The following TIAM2 variants were observed in gnomAD, a reference collection of about 807,000 sequenced individuals.
TIAM2 encodes the protein TIAM Rac1 associated GEF 2, also known as rho guanine nucleotide exchange factor TIAM2.
TIAM2 carries 80 observed loss-of-function variants against 152.9 expected under a neutral mutation model. That is an observed-to-expected ratio of 0.52 (90% CI 0.44 to 0.63). TIAM2 has a LOEUF of 0.63. TIAM2 is among the 30% of genes least tolerant of loss of function. TIAM2 has a pLI of 0.00. For missense variants in TIAM2, 1,965 were observed against 2,120.1 expected (o/e 0.93, Z 1.44); for synonymous variants, 804 against 838.0 (o/e 0.96, Z 0.70).
chr6:155,033,637 G>A lies in TIAM2; in HGVS notation c.-209+38145G>A, dbSNP rs143507965. Among the ~76,000 whole-genome samples, 79 of 152,026 alleles carry A rather than the reference G, an allele frequency of 5.2e-4. 1 individual carries two copies. The highest frequency in any genetic ancestry group is 1.4e-3 in the African/African-American group (59 of 41,504). Reference sequence around the variant, plus strand: ...TTTCACACGCAGTGTCTTCTTCAGAGCCGCCCTGCCTGTTTCCTAGAAGTA... The same window carrying A: ...TTTCACACGCAGTGTCTTCTTCAGAACCGCCCTGCCTGTTTCCTAGAAGTA... On this transcript the variant is annotated intron_variant, in intron 1 of 26. Transcript: ENST00000682666.
chr6:155,062,619 C>T (rs1212144763), intron 1 of TIAM2, among the ~76,000 whole-genome samples: 2 of 142,508 alleles, frequency 1.4e-5, no homozygotes, highest in Non-Finnish European at 3.0e-5. Context: ...GCTCTTGTTG[C>T]CCAGGCTAGA....
intron 14 of TIAM2, among the ~76,000 whole-genome samples, chr6:155,194,331 C>T (rs897291100): frequency 2.6e-5 from 4 of 152,154 alleles, no homozygotes; most frequent in African/African-American, 9.7e-5. Flanking sequence ...GAGCTGCGAG[C>T]AGCCTGGATG....
At chr6:155,202,388 T>C (rs1436377417) in intron 14 of TIAM2, among the ~76,000 whole-genome samples, 2 of 152,182 alleles carry the variant, frequency 1.3e-5, no homozygotes, top group African/African-American at 4.8e-5. Context: ...AAATATGCAT[T>C]GCTATACAAA....
intron 14 of TIAM2, among the ~76,000 whole-genome samples, chr6:155,205,073 C>T (rs1008887115): frequency 3.3e-5 from 5 of 151,448 alleles, no homozygotes; most frequent in African/African-American, 1.2e-4. Flanking sequence ...ATGACCTAAA[C>T]ACCTCCCAGT....
chr6:155,091,854 G>A (rs962591969), intron 2 of TIAM2, among the ~76,000 whole-genome samples: 1 of 152,150 alleles, frequency 6.6e-6, no homozygotes, highest in African/African-American at 2.4e-5. Context: ...TGAGTTCTTT[G>A]AATCCTGTCT....
chr6:155,210,153 T>C (rs1244964745), intron 14 of TIAM2, among the ~76,000 whole-genome samples: 1 of 152,224 alleles, frequency 6.6e-6, no homozygotes, highest in Non-Finnish European at 1.5e-5. Flanking sequence ...GTGCTGAGGA[T>C]GGGATGTGTG....
At chr6:155,004,106 C>T (rs1040976727) in intron 1 of TIAM2, among the ~76,000 whole-genome samples, 1 of 152,232 alleles carries the variant, frequency 6.6e-6, no homozygotes, top group Non-Finnish European at 1.5e-5. Context: ...GAACTCCTGA[C>T]CTCAGGTGAT....
intron 10 of TIAM2, among the ~76,000 whole-genome samples, chr6:155,177,707 T>C (rs1780789474): frequency 6.6e-6 from 1 of 152,240 alleles, no homozygotes; most frequent in Non-Finnish European, 1.5e-5. Flanking sequence ...TCCCCCTTTT[T>C]CACTTTGACT....
chr6:155,069,621 G>A (rs1251393021), intron 1 of TIAM2, among the ~76,000 whole-genome samples: 1 of 135,608 alleles, frequency 7.4e-6, no homozygotes, highest in Non-Finnish European at 1.5e-5. Context: ...TAAAATAATA[G>A]GAAAAGCTTG....
chr6:155,128,542 C>G (rs937330469), intron 3 of TIAM2, among the ~76,000 whole-genome samples: 2 of 152,220 alleles, frequency 1.3e-5, no homozygotes, highest in Non-Finnish European at 1.5e-5. Flanking sequence ...AATAAAGATA[C>G]TTTCCCTAAT....
At chr6:155,033,018 G>A (rs1776854326) in intron 1 of TIAM2, among the ~76,000 whole-genome samples, 1 of 152,140 alleles carries the variant, frequency 6.6e-6, no homozygotes, top group Non-Finnish European at 1.5e-5. Flanking sequence ...TGTCCATGTT[G>A]GTGCTCTTGC....
chr6:155,110,926 A>G (rs1562319471), intron 2 of TIAM2, among the ~76,000 whole-genome samples: 2 of 152,224 alleles, frequency 1.3e-5, no homozygotes, highest in Admixed American at 6.5e-5. Context: ...AGCACTGGAA[A>G]GTGAGAATAA....
intron 19 of TIAM2, among the ~76,000 whole-genome samples, chr6:155,245,944 T>C (rs896185391): frequency 1.3e-5 from 2 of 152,186 alleles, no homozygotes; most frequent in African/African-American, 4.8e-5. Flanking sequence ...AGAGCAGAGA[T>C]GTTGCTTTGC....
chr6:155,164,269 A>G, intron 7 of TIAM2, 146 bp from the exon 8 acceptor site: 1 of 649,576 alleles, frequency 1.5e-6, no homozygotes, highest in Non-Finnish European at 2.4e-6. Context: ...AGGGATTGAG[A>G]TGGGGTGAGC....
chr6:155,014,448 CT>C (rs968987013), intron 1 of TIAM2, among the ~76,000 whole-genome samples: 9 of 151,854 alleles, frequency 5.9e-5, no homozygotes, highest in Non-Finnish European at 1.0e-4. Flanking sequence ...CACCGTAGTG[CT>C]TTTTTTTCTA....
At chr6:155,080,101 A>T (rs1778031190) in intron 1 of TIAM2, among the ~76,000 whole-genome samples, 1 of 152,174 alleles carries the variant, frequency 6.6e-6, no homozygotes, top group Non-Finnish European at 1.5e-5. Context: ...ATGAATCACA[A>T]CCCAAAGTAG....
At chr6:155,025,719 G>A (rs1213578640) in intron 1 of TIAM2, among the ~76,000 whole-genome samples, 3 of 151,674 alleles carry the variant, frequency 2.0e-5, no homozygotes, top group Non-Finnish European at 2.9e-5. Context: ...TGTCTTTGAC[G>A]GCTGAGGTTT....
chr6:155,091,901 T>C (rs1778312746), intron 2 of TIAM2, among the ~76,000 whole-genome samples: 2 of 152,192 alleles, frequency 1.3e-5, no homozygotes, highest in Middle Eastern at 3.4e-3. Flanking sequence ...AGTAGGTTAT[T>C]ATTGCTATTT....
chr6:155,129,768 A>G lies in TIAM2; in HGVS notation c.545A>G (p.Asn182Ser). The stretch of plus-strand genomic sequence containing the variant: ...AGGGTCGAGTTCCACAATGGTGGCA[A>G]CCCCAGCAAAGTGCCTGCAGAGGAC... ...CLRVEFHNGG[N>S]PSKVPAEDCS... The change falls in exon 4 of 27, where the codon AAC (asparagine) becomes AGC (serine). Residue 182 changes from asparagine (N) to serine (S), a missense_variant. Transcript: ENST00000682666. This position sits in a 1 kb window ranked among gnomAD's most constrained non-coding sequence, Gnocchi z 4.8. 1 of 1,613,810 alleles carries G rather than the reference A, an allele frequency of 6.2e-7. No individual in the cohort carries two copies. Among genetic ancestry groups the G allele is most frequent in the Non-Finnish European group, 8.5e-7 (1 of 1,180,020 alleles).
Sources: gnomAD v4.1 joint callset for allele counts (sites outside exome capture counted in the v4.1 genomes callset) on GRCh38, gnomAD v4.1.1 for gene constraint, Gnocchi (gnomAD v3.1) non-coding constraint, MANE v1.5 for transcripts, NCBI Gene and HGNC (gene_info 2026-07-23, HGNC 2026-07-21) for gene names.